SFRP1: variants seen among roughly 807,000 people sequenced by gnomAD.
The protein encoded by SFRP1 is secreted frizzled related protein 1.
A neutral mutation model predicts 25.9 loss-of-function variants in SFRP1; 9 were observed. The ratio of observed to expected loss-of-function variants is 0.35; its 90% CI spans 0.21 to 0.61. The LOEUF is 0.61. Among genes scored for constraint, SFRP1 ranks in the 20% least tolerant of loss-of-function variants. The probability of loss-of-function intolerance (pLI) is 0.78; values close to 1 mark genes in which losing one functional copy is unlikely to be tolerated. For missense variants in SFRP1, 346 were observed against 418.2 expected (o/e 0.83, Z 1.51); for synonymous variants, 178 against 174.0 (o/e 1.02, Z -0.18).
chr8:41,289,502 C>T (rs144413884), intron 2 of SFRP1, among the ~76,000 whole-genome samples: 125 of 152,302 alleles, frequency 8.2e-4, no homozygotes, highest in South Asian at 5.2e-3. Flanking sequence ...GACTTGCAGG[C>T]GCTGACACAG....
rs548065665 is a variant in SFRP1, at chr8:41,288,710, G to A, written c.622+14751C>T. Among the ~76,000 whole-genome samples the A allele has an allele frequency of 1.5e-4, 23 of 152,230 alleles. 1 individual carries two copies. In the South Asian group the frequency reaches 3.9e-3, roughly 26 times the overall value. ...GCATTGCCCTTGGCCAAAGCCATGCGACTAGTAAATTGTGGGGCAGGAATG... is the reference window on the plus strand; with the variant it reads ...GCATTGCCCTTGGCCAAAGCCATGCAACTAGTAAATTGTGGGGCAGGAATG... On this transcript the variant is annotated intron_variant, in intron 2 of 2. Transcript: ENST00000220772.
intron 2 of SFRP1, among the ~76,000 whole-genome samples, chr8:41,277,343 C>T (rs1803584289): frequency 1.3e-5 from 2 of 152,322 alleles, no homozygotes; most frequent in Middle Eastern, 6.8e-3. Context: ...CCAAGGCAAA[C>T]AGCTTTTCCT....
At chr8:41,271,549 AG>A in intron 2 of SFRP1, 1 of 171,932 alleles carries the variant, frequency 5.8e-6, no homozygotes, top group Admixed American at 5.5e-5. Flanking sequence ...CAGAGGAGGT[AG>A]GCTTCATTAG....
chr8:41,270,200 T>C lies in SFRP1; in HGVS notation c.623-4711A>G, dbSNP rs560625358. ...CATATCACCAAGCTTCTGGACTGAG[T>C]GCGAAGGAGCACTTGCAGGCACGCT... On this transcript the variant is annotated intron_variant, in intron 2 of 2. Transcript: ENST00000220772. Among the ~76,000 whole-genome samples, 4 of 152,140 alleles carry C rather than the reference T, an allele frequency of 2.6e-5. No homozygotes were observed. In the South Asian group the frequency reaches 8.3e-4, roughly 32 times the overall value.
At chr8:41,272,790 C>G (rs6992406) in intron 2 of SFRP1, among the ~76,000 whole-genome samples, 43,524 of 151,906 alleles carry the variant, frequency 0.29, 7,239 homozygotes, top group Non-Finnish European at 0.38. Context: ...AAACAAACGG[C>G]AGAAAATACC....
At chr8:41,268,742 G>T (rs1803466612) in intron 2 of SFRP1, among the ~76,000 whole-genome samples, 1 of 152,186 alleles carries the variant, frequency 6.6e-6, no homozygotes, top group Non-Finnish European at 1.5e-5. Flanking sequence ...TTTCCTTGTG[G>T]GTGTGTGTGC....
At chr8:41,265,626 T>C (rs1037897076) in intron 2 of SFRP1, 137 bp from the exon 3 acceptor site, 4 of 619,754 alleles carry the variant, frequency 6.5e-6, no homozygotes, top group African/African-American at 5.7e-5. Context: ...CTTGTAAATA[T>C]ATATGTTTTT....
chr8:41,307,975 C>T (rs948674348), intron 1 of SFRP1, among the ~76,000 whole-genome samples: 1 of 152,220 alleles, frequency 6.6e-6, no homozygotes, highest in African/African-American at 2.4e-5. Context: ...CCTCCGAGGG[C>T]AGAGCTGGTA....
chr8:41,296,908 T>C (rs1036782028), intron 2 of SFRP1, among the ~76,000 whole-genome samples: 10 of 152,344 alleles, frequency 6.6e-5, no homozygotes, highest in African/African-American at 9.6e-5. Flanking sequence ...CAGGTTTACG[T>C]TGACATAAGG....
rs1303779891 is a variant in SFRP1, at chr8:41,262,636, T to C, written c.*2531A>G. 6.6e-6 allele frequency: 1 copy of C among 152,242 alleles called. No individual in the cohort carries two copies. Among genetic ancestry groups the C allele is most frequent in the African/African-American group, 2.4e-5 (1 of 41,456 alleles). 9.4% of individuals were successfully genotyped at this position (152,242 alleles called of 1,614,324 possible). A position where few individuals can be genotyped will look rare whatever the true frequency, so the allele number is the denominator to read the frequency against. ...AGGACTCTATCCAGAATGATTATTG[T>C]AAAGCTTTACAAATCCCACCTTGGC... On this transcript the variant is annotated 3_prime_UTR_variant, in exon 3 of 3. Coordinates refer to ENST00000220772, the MANE Select transcript of SFRP1 (RefSeq NM_003012.5).
rs546125790 is a variant in SFRP1, at chr8:41,300,185, G to A, written c.622+3276C>T. Among the ~76,000 whole-genome samples, 59 of 152,342 alleles carry A rather than the reference G, an allele frequency of 3.9e-4. 1 individual carries two copies. Among genetic ancestry groups the A allele is most frequent in the South Asian group, 2.5e-3 (12 of 4,828 alleles). On this transcript the variant is annotated intron_variant, in intron 2 of 2. Coordinates refer to ENST00000220772, the MANE Select transcript of SFRP1 (RefSeq NM_003012.5). ...AACAGATTAGTGGAGGTACGGAGGT[G>A]CGGGAAACTGAAAATATTTCTACTA...
At chr8:41,271,115 G>C (rs988779241) in intron 2 of SFRP1, 15 of 154,172 alleles carry the variant, frequency 9.7e-5, no homozygotes, top group African/African-American at 3.6e-4. Context: ...AAAAACCGTA[G>C]TTACTTCTGC....
Position 41,308,611 on chromosome 8 carries a change from C to G in SFRP1, c.544+5G>C. ...GCTCGCGCACGTGGGAGGAGGCAGC[C>G]TTACCTTGGGGCTTGGAGGCTTCGG... On this transcript the variant is annotated splice_donor_5th_base_variant and intron_variant, in intron 1 of 2. Coordinates refer to ENST00000220772, the MANE Select transcript of SFRP1 (RefSeq NM_003012.5). 1 of 1,581,896 alleles carries G rather than the reference C, an allele frequency of 6.3e-7. No homozygotes were observed. The highest frequency in any genetic ancestry group is 8.6e-7 in the Non-Finnish European group (1 of 1,158,874).
chr8:41,302,561 C>T (rs1350453305), intron 2 of SFRP1, among the ~76,000 whole-genome samples: 1 of 152,226 alleles, frequency 6.6e-6, no homozygotes, highest in Non-Finnish European at 1.5e-5. Flanking sequence ...ACACGTTGTT[C>T]AGCATCACAC....
chr8:41,296,175 C>T (rs1336305014), intron 2 of SFRP1, among the ~76,000 whole-genome samples: 1 of 152,208 alleles, frequency 6.6e-6, no homozygotes, highest in African/African-American at 2.4e-5. Flanking sequence ...CAGGCCAGAC[C>T]CCATACACAG....
chr8:41,280,141 A>G (rs781449898), intron 2 of SFRP1, among the ~76,000 whole-genome samples: 9 of 152,148 alleles, frequency 5.9e-5, no homozygotes, highest in Non-Finnish European at 1.0e-4. Context: ...TCCCAAGTCC[A>G]GGGGAGTGCA....
Position 41,308,734 on chromosome 8 carries a change from C to A in SFRP1, c.426G>T (p.Pro142=). The change falls in exon 1 of 3, where the codon CCG becomes CCT. Residue 142 remains proline, a synonymous_variant. Transcript: ENST00000220772. ...AGTAGAAGCCGAAGAACTGCATGACCGGCTCGCACGAGTCGCGCACGGCCT... is the reference window on the plus strand; with the variant it reads ...AGTAGAAGCCGAAGAACTGCATGACAGGCTCGCACGAGTCGCGCACGGCCT... ...LCEAVRDSCE[P]VMQFFGFYWP... is the part of the protein sequence containing the mutation. The A allele has an allele frequency of 1.9e-6, 3 of 1,608,364 alleles. No homozygotes were observed. The highest frequency in any genetic ancestry group is 1.7e-6 in the Non-Finnish European group (2 of 1,177,674).
chr8:41,282,350 T>C (rs1803644041), intron 2 of SFRP1, among the ~76,000 whole-genome samples: 1 of 152,198 alleles, frequency 6.6e-6, no homozygotes, highest in Non-Finnish European at 1.5e-5. Flanking sequence ...ACTCCAGCTC[T>C]ACATTTTTTT....
chr8:41,265,138 G>GCCCCCCCC lies in SFRP1; in HGVS notation c.*28_*29insGGGGGGGG. The GCCCCCCCC allele has an allele frequency of 9.8e-6, 5 of 508,950 alleles. No homozygotes were observed. The highest frequency in any genetic ancestry group is 2.0e-5 in the South Asian group (1 of 50,516). 31.5% of individuals were successfully genotyped at this position (508,950 alleles called of 1,614,324 possible). A position where few individuals can be genotyped will look rare whatever the true frequency, so the allele number is the denominator to read the frequency against. ...CCCCCCCGCTCCCACCCCACCCGAG[G>GCCCCCCCC]CTCCCTCCCCACCCTGCCCCCGGGA... On this transcript the variant is annotated 3_prime_UTR_variant, in exon 3 of 3. Coordinates refer to ENST00000220772, the MANE Select transcript of SFRP1 (RefSeq NM_003012.5).
Sources: gnomAD v4.1 joint callset for allele counts (sites outside exome capture counted in the v4.1 genomes callset) on GRCh38, gnomAD v4.1.1 for gene constraint, MANE v1.5 for transcripts, NCBI Gene and HGNC (gene_info 2026-07-23, HGNC 2026-07-21) for gene names.